GNAZ: variants seen among roughly 807,000 people sequenced by gnomAD.
GNAZ encodes the protein G protein subunit alpha z.
In GNAZ, 3 loss-of-function variants were observed where a neutral mutation model predicts 25.4. That is an observed-to-expected ratio of 0.12 (90% CI 0.05 to 0.30). The LOEUF (loss-of-function observed/expected upper bound fraction) is 0.30, where lower values mean the gene tolerates loss of function less well. GNAZ is among the 10% of genes least tolerant of loss of function. The pLI is 1.00. For missense variants in GNAZ, 241 were observed against 501.8 expected, an observed-to-expected ratio of 0.48 and a Z score of 4.97; for synonymous variants, 211 against 205.7, an observed-to-expected ratio of 1.03 and a Z score of -0.22.
intron 1 of GNAZ, among the ~76,000 whole-genome samples, chr22:23,076,199 CCTG>C (rs576476630): frequency 1.5e-4 from 23 of 152,200 alleles, no homozygotes; most frequent in Non-Finnish European, 3.2e-4. Context: ...TATGCCCTTT[CCTG>C]CTGCTATTTT....
intron 2 of GNAZ, among the ~76,000 whole-genome samples, chr22:23,119,851 CAG>C (rs1195869093): frequency 6.6e-6 from 1 of 152,250 alleles, no homozygotes; most frequent in Admixed American, 6.5e-5. Flanking sequence ...GGCGTCTACA[CAG>C]AGATTTTGTT....
intron 2 of GNAZ, among the ~76,000 whole-genome samples, chr22:23,117,684 A>G (rs988072484): frequency 2.6e-5 from 4 of 152,214 alleles, no homozygotes; most frequent in Non-Finnish European, 5.9e-5. Context: ...CCGTGTCAGC[A>G]CCTTTGTGCC....
intron 2 of GNAZ, 42 bp downstream of exon 2, chr22:23,096,460 C>G: frequency 1.3e-6 from 2 of 1,558,766 alleles, no homozygotes; most frequent in Non-Finnish European, 1.7e-6. Context: ...TTCCTGCTGT[C>G]GTGGGTTCCT....
At chr22:23,107,687 G>T (rs1000826926) in intron 2 of GNAZ, among the ~76,000 whole-genome samples, 12 of 152,150 alleles carry the variant, frequency 7.9e-5, no homozygotes, top group African/African-American at 2.9e-4. Context: ...GCGCAGCAGT[G>T]GAGTCGGGTC....
At chr22:23,117,148 A>G (rs1164426860) in intron 2 of GNAZ, among the ~76,000 whole-genome samples, 1 of 152,126 alleles carries the variant, frequency 6.6e-6, no homozygotes, top group African/African-American at 2.4e-5. Flanking sequence ...ACCTGTTACC[A>G]GGAACGTTGG....
At chr22:23,107,734 G>A (rs919821362) in intron 2 of GNAZ, among the ~76,000 whole-genome samples, 12 of 152,180 alleles carry the variant, frequency 7.9e-5, no homozygotes, top group African/African-American at 2.7e-4. Flanking sequence ...GGGGTTGGCC[G>A]CAGGGTGTGA....
At chr22:23,085,700 C>T (rs1052091337) in intron 1 of GNAZ, among the ~76,000 whole-genome samples, 7 of 152,230 alleles carry the variant, frequency 4.6e-5, no homozygotes, top group African/African-American at 1.7e-4. Context: ...GTTGTCCCAG[C>T]TTGTCCCAGC....
chr22:23,101,406 G>A lies in GNAZ; in HGVS notation c.723+4988G>A, dbSNP rs62220911. 2.0e-3 allele frequency among the ~76,000 whole-genome samples: 304 copies of A among 152,328 alleles called. 4 individuals carry two copies. Among genetic ancestry groups the A allele is most frequent in the Admixed American group, 3.7e-3 (57 of 15,304 alleles). On this transcript the variant is annotated intron_variant, in intron 2 of 2. Transcript: ENST00000615612. ...TGGGTTCCACCCTTGGAGCTGCTGT[G>A]TAGCCAGCCTTCCCTCAGGAGAGTG...
chr22:23,108,845 A>G (rs902855911), intron 2 of GNAZ, among the ~76,000 whole-genome samples: 17 of 152,090 alleles, frequency 1.1e-4, no homozygotes, highest in African/African-American at 3.6e-4. Context: ...TGGTGTCCCT[A>G]TTTGGGGACT....
At chr22:23,079,564 C>T (rs1343198176) in intron 1 of GNAZ, among the ~76,000 whole-genome samples, 1 of 152,136 alleles carries the variant, frequency 6.6e-6, no homozygotes, top group East Asian at 1.9e-4. Context: ...AAGCAAGCGT[C>T]GGGAGCAAAC....
At chr22:23,111,868 G>A (rs911861363) in intron 2 of GNAZ, among the ~76,000 whole-genome samples, 1 of 152,214 alleles carries the variant, frequency 6.6e-6, no homozygotes, top group African/African-American at 2.4e-5. Context: ...GCAGTGGGCT[G>A]TCTGAAACCA....
At chr22:23,080,970 A>G (rs1405446959) in intron 1 of GNAZ, among the ~76,000 whole-genome samples, 1 of 152,178 alleles carries the variant, frequency 6.6e-6, no homozygotes, top group Non-Finnish European at 1.5e-5. Context: ...GCCCTTCCAC[A>G]TGTATCCCTT....
At chr22:23,107,800 T>TTA (rs1308638624) in intron 2 of GNAZ, among the ~76,000 whole-genome samples, 1 of 152,142 alleles carries the variant, frequency 6.6e-6, no homozygotes, top group Non-Finnish European at 1.5e-5. Context: ...TTCCTGATCG[T>TTA]TTTAAAGCCG....
At chr22:23,097,337 G>A (rs1433365208) in intron 2 of GNAZ, among the ~76,000 whole-genome samples, 2 of 152,314 alleles carry the variant, frequency 1.3e-5, no homozygotes, top group Admixed American at 1.3e-4. Flanking sequence ...TATTCTTTAG[G>A]TTCAGCGGAG....
At chr22:23,122,743 G>A (rs1182241378) in intron 2 of GNAZ, 2 of 305,512 alleles carry the variant, frequency 6.5e-6, no homozygotes, top group East Asian at 6.0e-5. Context: ...AAGATGGGGG[G>A]TCCTCGGAGC....
chr22:23,109,131 A>G (rs1188312411), intron 2 of GNAZ, among the ~76,000 whole-genome samples: 4 of 152,112 alleles, frequency 2.6e-5, no homozygotes, highest in African/African-American at 7.2e-5. Flanking sequence ...CCTATTGACC[A>G]CGTTTCTCTT....
chr22:23,112,298 C>T lies in GNAZ; in HGVS notation c.724-10789C>T, dbSNP rs2283801. ...TCTCTGGAGGAAGCAGAAGAGGCAT[C>T]CTTCGGCCCCGCCCCAAGCACACCA... On this transcript the variant is annotated intron_variant, in intron 2 of 2. Transcript: ENST00000615612. Among the ~76,000 whole-genome samples, 36 of 152,358 alleles carry T rather than the reference C, an allele frequency of 2.4e-4. 1 individual carries two copies. In the East Asian group the frequency reaches 6.8e-3, roughly 29 times the overall value.
intron 2 of GNAZ, among the ~76,000 whole-genome samples, chr22:23,100,411 T>C (rs1226765667): frequency 1.3e-5 from 2 of 152,248 alleles, no homozygotes; most frequent in Non-Finnish European, 2.9e-5. Context: ...CTGCCACTTA[T>C]CTGAGAGACA....
At chr22:23,118,149 G>T (rs571338369) in intron 2 of GNAZ, among the ~76,000 whole-genome samples, 17 of 152,340 alleles carry the variant, frequency 1.1e-4, no homozygotes, top group Middle Eastern at 3.4e-3. Context: ...CTGAGCAGGA[G>T]CTCTCTTCTC....
Sources: allele counts gnomAD v4.1 joint callset (sites outside exome capture counted in the v4.1 genomes callset), GRCh38; gene constraint gnomAD v4.1.1; transcripts MANE v1.5; gene names NCBI Gene and HGNC (gene_info 2026-07-23, HGNC 2026-07-21).